KHDRBS2: variants seen among roughly 807,000 people sequenced by gnomAD.
The protein encoded by KHDRBS2 is KH RNA binding domain containing, signal transduction associated 2, also known as KH domain-containing, RNA-binding, signal transduction-associated protein 2.
A neutral mutation model predicts 44.3 loss-of-function variants in KHDRBS2; 26 were observed. The observed-to-expected ratio is 0.59, with a 90% CI of 0.43 to 0.81. The LOEUF is 0.81. KHDRBS2 is among the 40% of genes least tolerant of loss of function. The pLI, the probability that KHDRBS2 is intolerant of heterozygous loss-of-function variation, is 0.00. For synonymous variants in KHDRBS2, 194 were observed against 151.1 expected, an observed-to-expected ratio of 1.28 and a Z score of -2.08; for missense variants, 476 against 433.1, an observed-to-expected ratio of 1.10 and a Z score of -0.88.
At chr6:62,088,873 A>C (rs1584621052) in intron 2 of KHDRBS2, among the ~76,000 whole-genome samples, 2 of 152,232 alleles carry the variant, frequency 1.3e-5, no homozygotes, top group South Asian at 2.1e-4. Context: ...TTTTATCTAT[A>C]AGCCCCTGAC....
chr6:62,203,598 T>G (rs552237086), intron 1 of KHDRBS2, among the ~76,000 whole-genome samples: 1 of 152,186 alleles, frequency 6.6e-6, no homozygotes, highest in East Asian at 1.9e-4. Flanking sequence ...TAAGATGTTA[T>G]GAGCTTGAGA....
At chr6:61,778,253 G>C (rs1191267535) in intron 6 of KHDRBS2, among the ~76,000 whole-genome samples, 1 of 152,144 alleles carries the variant, frequency 6.6e-6, no homozygotes, top group South Asian at 2.1e-4. Context: ...GATGAACAGA[G>C]CCTCTGTCAC....
the KHDRBS2 span, among the ~76,000 whole-genome samples, chr6:61,608,181 T>C: frequency 8.5e-5 from 13 of 152,258 alleles, no homozygotes; most frequent in African/African-American, 2.4e-4. Flanking sequence ...TACTGAATTA[T>C]GAATTATCAA....
intron 4 of KHDRBS2, among the ~76,000 whole-genome samples, chr6:61,932,306 G>T (rs563714755): frequency 4.7e-4 from 71 of 152,246 alleles, no homozygotes; most frequent in African/African-American, 1.6e-3. Context: ...TAACATTCAC[G>T]TTCTATGTTT....
the KHDRBS2 span, among the ~76,000 whole-genome samples, chr6:61,672,071 C>T: frequency 2.1e-5 from 3 of 144,986 alleles, no homozygotes; most frequent in Admixed American, 1.4e-4. Flanking sequence ...GTTCAATTCC[C>T]ACCTATGAGT....
At chr6:62,105,916 G>C (rs208982) in intron 2 of KHDRBS2, among the ~76,000 whole-genome samples, 25,871 of 152,028 alleles carry the variant, frequency 0.17, 2,540 homozygotes, top group African/African-American at 0.27. Flanking sequence ...TGGGCATTTA[G>C]TGCTATAAAT....
intron 7 of KHDRBS2, among the ~76,000 whole-genome samples, chr6:61,711,012 A>G (rs1015238155): frequency 6.0e-5 from 9 of 150,080 alleles, no homozygotes; most frequent in Admixed American, 4.0e-4. Context: ...CTTTTTAAAA[A>G]CCTATAGTAA....
intron 2 of KHDRBS2, among the ~76,000 whole-genome samples, chr6:62,166,334 C>T (rs1345556720): frequency 6.6e-6 from 1 of 151,980 alleles, no homozygotes; most frequent in Non-Finnish European, 1.5e-5. Flanking sequence ...AATTGGTATT[C>T]ACAAGTGAGG....
At chr6:62,056,241 A>G (rs1790262852) in intron 2 of KHDRBS2, among the ~76,000 whole-genome samples, 1 of 152,024 alleles carries the variant, frequency 6.6e-6, no homozygotes, top group Non-Finnish European at 1.5e-5. Flanking sequence ...ATCAGTAAAG[A>G]TGAATTACTC....
the KHDRBS2 span, among the ~76,000 whole-genome samples, chr6:61,633,688 A>T: frequency 6.6e-6 from 1 of 152,058 alleles, no homozygotes; most frequent in Non-Finnish European, 1.5e-5. Flanking sequence ...CACTTAACAC[A>T]TAATAGATGT....
At chr6:62,246,598 T>A (rs1835617694) in intron 1 of KHDRBS2, among the ~76,000 whole-genome samples, 1 of 151,986 alleles carries the variant, frequency 6.6e-6, no homozygotes, top group African/African-American at 2.4e-5. Context: ...TTAATCAAAG[T>A]CAACTTTAGG....
At chr6:61,612,246 C>A in the KHDRBS2 span, among the ~76,000 whole-genome samples, 1 of 152,072 alleles carries the variant, frequency 6.6e-6, no homozygotes, top group East Asian at 1.9e-4. Context: ...TTTTCTAGAT[C>A]CTCAGAATTG....
chr6:61,824,988 T>C (rs1255691145), intron 6 of KHDRBS2, among the ~76,000 whole-genome samples: 3 of 152,156 alleles, frequency 2.0e-5, no homozygotes, highest in African/African-American at 7.2e-5. Context: ...TCCTATGCTA[T>C]AGGTTATTAA....
intron 3 of KHDRBS2, among the ~76,000 whole-genome samples, chr6:62,018,768 A>T (rs1186132734): frequency 1.3e-5 from 2 of 152,198 alleles, no homozygotes; most frequent in Admixed American, 6.5e-5. Context: ...AAACTTTCTC[A>T]TTACAAAAAT....
At chr6:61,570,714 C>A in the KHDRBS2 span, among the ~76,000 whole-genome samples, 7 of 152,136 alleles carry the variant, frequency 4.6e-5, no homozygotes, top group Non-Finnish European at 8.8e-5. Context: ...AGATAAACAG[C>A]AGATTTCTCT....
intron 2 of KHDRBS2, among the ~76,000 whole-genome samples, chr6:62,082,161 A>G (rs1195497542): frequency 1.3e-5 from 2 of 152,100 alleles, no homozygotes; most frequent in African/African-American, 2.4e-5. Flanking sequence ...GAAGTGTAGG[A>G]CTGGGGCTGG....
At chr6:61,811,464 T>A (rs780798011) in intron 6 of KHDRBS2, among the ~76,000 whole-genome samples, 2 of 152,144 alleles carry the variant, frequency 1.3e-5, no homozygotes, top group Middle Eastern at 3.2e-3. Flanking sequence ...TGGGTATATA[T>A]CCAGTAATAG....
At chr6:62,156,550 T>C (rs1206967399) in intron 2 of KHDRBS2, among the ~76,000 whole-genome samples, 1 of 152,240 alleles carries the variant, frequency 6.6e-6, no homozygotes, top group East Asian at 1.9e-4. Context: ...TTTTGTTAGA[T>C]TTCATTTGCT....
At position 61,901,689 on chromosome 6, in the gene KHDRBS2, T is replaced by A. The variant is rs542088144; in HGVS notation, c.484-318A>T. On this transcript the variant is annotated intron_variant, in intron 4 of 8. Transcript: ENST00000281156. ...CAACATAAAATGAGAACTTGGAATG[T>A]GCTAAAGTTATGATTGTTAATATGA... Among the ~76,000 whole-genome samples, 14 of 152,306 alleles carry A rather than the reference T, an allele frequency of 9.2e-5. No homozygotes were observed. The South Asian group carries it at 1.2e-3, about 14-fold the overall frequency.
Sources: gnomAD v4.1 joint callset for allele counts (sites outside exome capture counted in the v4.1 genomes callset) on GRCh38, gnomAD v4.1.1 for gene constraint, MANE v1.5 for transcripts, NCBI Gene and HGNC (gene_info 2026-07-23, HGNC 2026-07-21) for gene names.